The following CDYL2 variants were observed in gnomAD, a reference collection of about 807,000 sequenced individuals.
The protein encoded by CDYL2 is chromodomain Y like 2, also known as chromodomain Y-like protein 2.
Under a neutral mutation model 49.4 loss-of-function variants are expected in CDYL2, and 23 were observed. The ratio of observed to expected loss-of-function variants is 0.47; its 90% confidence interval spans 0.34 to 0.66. CDYL2 has a LOEUF of 0.66. CDYL2 is among the 30% of genes least tolerant of loss of function. The pLI is 0.01. For missense variants in CDYL2, 678 were observed against 656.4 expected (o/e 1.03, Z -0.36); for synonymous variants, 360 against 268.8 (o/e 1.34, Z -3.32).
At chr16:80,751,182 T>C (rs1045891024) in intron 1 of CDYL2, among the ~76,000 whole-genome samples, 2 of 152,142 alleles carry the variant, frequency 1.3e-5, no homozygotes, top group Non-Finnish European at 2.9e-5. Context: ...CCAAAAACTT[T>C]AGACCTCCAC....
chr16:80,688,955 G>A (rs73593015), intron 1 of CDYL2, among the ~76,000 whole-genome samples: 2 of 152,260 alleles, frequency 1.3e-5, no homozygotes, highest in South Asian at 4.2e-4. Flanking sequence ...GGTCCTGGCA[G>A]CTCTGTCTCT....
chr16:80,654,909 G>C (rs1908740457), intron 2 of CDYL2, among the ~76,000 whole-genome samples: 3 of 151,950 alleles, frequency 2.0e-5, no homozygotes, highest in Non-Finnish European at 4.4e-5. Context: ...TGTGTAGAGG[G>C]AGTTGTTCCT....
intron 3 of CDYL2, among the ~76,000 whole-genome samples, chr16:80,630,572 A>C (rs1008207144): frequency 2.0e-5 from 3 of 152,160 alleles, no homozygotes; most frequent in African/African-American, 7.2e-5. Flanking sequence ...GGTGGACTGC[A>C]GGCTCTGGGC....
At chr16:80,737,797 C>A (rs571595136) in intron 1 of CDYL2, among the ~76,000 whole-genome samples, 3 of 152,284 alleles carry the variant, frequency 2.0e-5, no homozygotes, top group African/African-American at 4.8e-5. Context: ...ACTTTGAGAA[C>A]CATTTCTCTA....
chr16:80,656,886 C>G (rs79844671), intron 2 of CDYL2, among the ~76,000 whole-genome samples: 3,941 of 152,122 alleles, frequency 0.026, 137 homozygotes, highest in African/African-American at 0.071. Context: ...GAGGGGGAGC[C>G]CAGGCTTAGA....
At chr16:80,690,703 C>T (rs1464703899) in intron 1 of CDYL2, among the ~76,000 whole-genome samples, 1 of 152,114 alleles carries the variant, frequency 6.6e-6, no homozygotes, top group African/African-American at 2.4e-5. Context: ...GGCTCTTCCC[C>T]TCAACTCCTG....
intron 3 of CDYL2, chr16:80,628,439 A>G (rs1278518934): frequency 6.6e-6 from 1 of 152,276 alleles, no homozygotes; most frequent in African/African-American, 2.4e-5. Context: ...AGAGGCCCAC[A>G]TGGCAGGAAA....
rs556308020 is a variant in CDYL2, at chr16:80,673,160, G to A, written c.616+11378C>T. Among the ~76,000 whole-genome samples, 268 of 151,692 alleles carry A rather than the reference G, an allele frequency of 1.8e-3. 2 individuals are homozygous for A. Among genetic ancestry groups the A allele is most frequent in the African/African-American group, 6.2e-3 (257 of 41,344 alleles). ...TGGTGAAACCCCATTTCTACTAAAA[G>A]TACAAAAAAATTAGCCGGGCATGGT... On this transcript the variant is annotated intron_variant, in intron 2 of 6. Coordinates refer to ENST00000570137, the MANE Select transcript of CDYL2 (RefSeq NM_152342.4).
intron 1 of CDYL2, among the ~76,000 whole-genome samples, chr16:80,709,358 G>A (rs1904512885): frequency 1.3e-5 from 2 of 149,030 alleles, no homozygotes; most frequent in African/African-American, 5.0e-5. Flanking sequence ...CTCCAGCCTA[G>A]GCAACATAGC....
intron 2 of CDYL2, among the ~76,000 whole-genome samples, chr16:80,674,862 C>G (rs537703291): frequency 1.2e-4 from 18 of 152,310 alleles, no homozygotes; most frequent in African/African-American, 4.3e-4. Flanking sequence ...GCCATTTCTT[C>G]TAGCATTGAA....
rs1358359594 is a variant in CDYL2 at position 80,679,562 on chromosome 16, G to T, written c.616+4976C>A. On this transcript the variant is annotated intron_variant, in intron 2 of 6. Transcript: ENST00000570137. ...AAAAACTACCTCTCACGACTGCCAT[G>T]AGGATCACACAAGGTACTTTGGAAA... 2.0e-5 allele frequency among the ~76,000 whole-genome samples: 3 copies of T among 152,210 alleles called. No individual in the cohort carries two copies. In the East Asian group the frequency reaches 5.8e-4, roughly 29 times the overall value.
chr16:80,747,025 C>G (rs1484026162), intron 1 of CDYL2, among the ~76,000 whole-genome samples: 2 of 152,166 alleles, frequency 1.3e-5, no homozygotes, highest in Non-Finnish European at 2.9e-5. Flanking sequence ...CCCAGTACTC[C>G]CTGTTGTGTC....
chr16:80,737,406 G>A (rs947851492), intron 1 of CDYL2, among the ~76,000 whole-genome samples: 15 of 152,196 alleles, frequency 9.9e-5, no homozygotes, highest in African/African-American at 2.7e-4. Flanking sequence ...AGATTCAGGG[G>A]TTAAGGGAAG....
At chr16:80,656,074 T>C (rs1440358339) in intron 2 of CDYL2, among the ~76,000 whole-genome samples, 5 of 152,180 alleles carry the variant, frequency 3.3e-5, no homozygotes. Context: ...CCACAAAATA[T>C]GAGAAATGAG....
intron 2 of CDYL2, among the ~76,000 whole-genome samples, chr16:80,683,332 G>A (rs1433463100): frequency 6.6e-6 from 1 of 152,208 alleles, no homozygotes; most frequent in Non-Finnish European, 1.5e-5. Flanking sequence ...TCTGAGAAGT[G>A]AGGGACTGCA....
At chr16:80,684,378 G>A (rs764155535) in intron 2 of CDYL2, among the ~76,000 whole-genome samples, 160 bp downstream of exon 2, 1 of 152,100 alleles carries the variant, frequency 6.6e-6, no homozygotes, top group Non-Finnish European at 1.5e-5. Flanking sequence ...GCCTACGACC[G>A]AGTCCACAAA....
intron 2 of CDYL2, among the ~76,000 whole-genome samples, chr16:80,668,728 G>A (rs1210141979): frequency 9.9e-5 from 15 of 151,772 alleles, no homozygotes; most frequent in Admixed American, 9.8e-4. Flanking sequence ...GCAAAACCCT[G>A]TCTCTACTAA....
intron 1 of CDYL2, among the ~76,000 whole-genome samples, chr16:80,699,907 G>A (rs1438768289): frequency 1.4e-5 from 2 of 147,320 alleles, no homozygotes; most frequent in African/African-American, 5.1e-5. Flanking sequence ...TCGCTCTGTC[G>A]CCCAGGCCGG....
intron 1 of CDYL2, among the ~76,000 whole-genome samples, chr16:80,798,032 T>C (rs1314436548): frequency 6.6e-6 from 1 of 151,874 alleles, no homozygotes; most frequent in African/African-American, 2.4e-5. Context: ...GTTGTTGTTG[T>C]TTGTTTGTTT....
Sources: gnomAD v4.1 joint callset for allele counts (sites outside exome capture counted in the v4.1 genomes callset) on GRCh38, gnomAD v4.1.1 for gene constraint, MANE v1.5 for transcripts, NCBI Gene and HGNC (gene_info 2026-07-23, HGNC 2026-07-21) for gene names.